HDAC9: variants seen among roughly 807,000 people sequenced by gnomAD.
HDAC9 encodes MEF-2 interacting transcription repressor (MITR) protein.
HDAC9 carries 41 observed loss-of-function variants against 139.4 expected under a neutral mutation model. The observed-to-expected ratio is 0.29, with a 90% confidence interval of 0.23 to 0.38. The LOEUF is 0.38. Among genes scored for constraint, HDAC9 ranks in the 10% least tolerant of loss-of-function variants. The pLI, the probability that HDAC9 is intolerant of heterozygous loss-of-function variation, is 1.00. For synonymous variants in HDAC9, 517 were observed against 476.2 expected, an observed-to-expected ratio of 1.09 and a Z score of -1.12; for missense variants, 1,147 against 1,297.0, an observed-to-expected ratio of 0.88 and a Z score of 1.78.
chr7:18,510,117 G>C (rs1422819413), intron 2 of HDAC9, among the ~76,000 whole-genome samples: 1 of 152,126 alleles, frequency 6.6e-6, no homozygotes, highest in African/African-American at 2.4e-5. Context: ...AGGTGTTAGA[G>C]CTTTTTGCCC....
At chr7:18,676,702 T>C (rs1781535348) in intron 12 of HDAC9, among the ~76,000 whole-genome samples, 1 of 151,968 alleles carries the variant, frequency 6.6e-6, no homozygotes, top group African/African-American at 2.4e-5. Flanking sequence ...CCAACTTGGT[T>C]CCTTTATTTT....
intron 25 of HDAC9, among the ~76,000 whole-genome samples, chr7:18,977,213 C>A (rs1396006361): frequency 6.6e-6 from 1 of 152,036 alleles, no homozygotes; most frequent in Non-Finnish European, 1.5e-5. Flanking sequence ...AAGAACTAAC[C>A]CCCTGCCGTT....
chr7:18,501,463 AT>A (rs1798338305), intron 2 of HDAC9, among the ~76,000 whole-genome samples: 2 of 152,178 alleles, frequency 1.3e-5, no homozygotes, highest in African/African-American at 4.8e-5. Context: ...CTTTTTGGAA[AT>A]AGTATCTCTT....
At chr7:18,993,829 G>A (rs1192802789) in intron 25 of HDAC9, among the ~76,000 whole-genome samples, 11 of 152,138 alleles carry the variant, frequency 7.2e-5, no homozygotes, top group South Asian at 6.3e-4. Context: ...ATGAAAGAGC[G>A]AGAGAGAGAA....
At chr7:18,590,551 C>T in intron 4 of HDAC9, 65 bp downstream of exon 4, 1 of 1,480,010 alleles carries the variant, frequency 6.8e-7, no homozygotes, top group Non-Finnish European at 9.1e-7. Context: ...TTATTCAGAA[C>T]AAAGCCTGAT....
At chr7:18,157,804 T>TGA (rs67690215) in intron 1 of HDAC9, among the ~76,000 whole-genome samples, 14,398 of 109,180 alleles carry the variant, frequency 0.13, 1,560 homozygotes, top group Admixed American at 0.2. Flanking sequence ...TTCTAAGGCA[T>TGA]GAGAGAGAGA....
chr7:18,459,145 C>A (rs984038089), intron 1 of HDAC9, among the ~76,000 whole-genome samples: 2 of 152,112 alleles, frequency 1.3e-5, no homozygotes, highest in African/African-American at 4.8e-5. Context: ...TTAGACATAT[C>A]TTGGGGTCTT....
At chr7:18,990,722 C>T (rs569979024) in intron 25 of HDAC9, among the ~76,000 whole-genome samples, 25 of 152,356 alleles carry the variant, frequency 1.6e-4, no homozygotes, top group Admixed American at 3.3e-4. Context: ...TAGGACCCTC[C>T]GAGCCATGTG....
intron 21 of HDAC9, among the ~76,000 whole-genome samples, chr7:18,842,918 C>A (rs1796677654): frequency 6.6e-6 from 1 of 152,022 alleles, no homozygotes; most frequent in Non-Finnish European, 1.5e-5. Context: ...CAGGAAGTAT[C>A]TTGAAGTACT....
intron 1 of HDAC9, among the ~76,000 whole-genome samples, chr7:18,313,015 G>A (rs1202326167): frequency 6.6e-6 from 1 of 152,052 alleles, no homozygotes; most frequent in Non-Finnish European, 1.5e-5. Context: ...TAGAGATTTG[G>A]AAAATTAGAC....
intron 2 of HDAC9, among the ~76,000 whole-genome samples, chr7:18,185,419 A>G (rs1051701744): frequency 2.0e-5 from 3 of 152,250 alleles, no homozygotes; most frequent in African/African-American, 7.2e-5. Flanking sequence ...GCATCAGGAA[A>G]GCACAAAGAA....
At chr7:18,728,759 A>G (rs1403965609) in intron 13 of HDAC9, among the ~76,000 whole-genome samples, 2 of 152,302 alleles carry the variant, frequency 1.3e-5, no homozygotes, top group African/African-American at 4.8e-5. Flanking sequence ...CTATTTTCTA[A>G]AACCATATTC....
intron 1 of HDAC9, among the ~76,000 whole-genome samples, chr7:18,131,358 G>T (rs1206305452): frequency 6.6e-6 from 1 of 152,094 alleles, no homozygotes; most frequent in Non-Finnish European, 1.5e-5. Context: ...TGGTTGTTGG[G>T]TAGATATCTG....
intron 1 of HDAC9, among the ~76,000 whole-genome samples, chr7:18,134,280 G>T (rs776580416): frequency 6.6e-6 from 1 of 151,984 alleles, no homozygotes; most frequent in Non-Finnish European, 1.5e-5. Context: ...TCCTAATTCT[G>T]CTGGATAGCA....
intron 1 of HDAC9, among the ~76,000 whole-genome samples, chr7:18,356,358 G>GTTTTTTTT (rs5882659): frequency 0.011 from 587 of 55,126 alleles, 81 homozygotes; most frequent in East Asian, 0.022. Flanking sequence ...CAGCACATAG[G>GTTTTTTTT]TTTTTTTTTT....
intron 1 of HDAC9, among the ~76,000 whole-genome samples, chr7:18,142,083 A>G (rs1785939818): frequency 2.6e-5 from 4 of 152,162 alleles, no homozygotes; most frequent in Admixed American, 2.6e-4. Context: ...TTCTATTTGA[A>G]GAATTCCAGC....
chr7:18,678,819 A>C (rs1781695543), intron 12 of HDAC9, among the ~76,000 whole-genome samples: 1 of 152,016 alleles, frequency 6.6e-6, no homozygotes, highest in South Asian at 2.1e-4. Flanking sequence ...ATTTCCATTC[A>C]ATGTTAGACA....
chr7:18,451,610 T>C (rs1438215142), intron 1 of HDAC9, among the ~76,000 whole-genome samples: 1 of 152,038 alleles, frequency 6.6e-6, no homozygotes, highest in Non-Finnish European at 1.5e-5. Context: ...ATGCATTGTA[T>C]CCACTGATTT....
chr7:18,290,765 T>C (rs1192387493), intron 1 of HDAC9, among the ~76,000 whole-genome samples: 1 of 152,118 alleles, frequency 6.6e-6, no homozygotes, highest in African/African-American at 2.4e-5. Context: ...CTAAAGTATT[T>C]TGGGGAGAGG....
Sources: allele counts gnomAD v4.1 joint callset (sites outside exome capture counted in the v4.1 genomes callset), GRCh38; gene constraint gnomAD v4.1.1; transcripts MANE v1.5; gene names NCBI Gene and HGNC (gene_info 2026-07-23, HGNC 2026-07-21).